CLSTN2: variants seen among roughly 807,000 people sequenced by gnomAD.
CLSTN2 encodes the protein calsyntenin 2, also known as calsyntenin-2.
In CLSTN2, 48 loss-of-function variants were observed where a neutral mutation model predicts 101.2. That is an observed-to-expected ratio of 0.47 (90% CI 0.38 to 0.60). The LOEUF (loss-of-function observed/expected upper bound fraction) is 0.60. CLSTN2 is among the 20% of genes least tolerant of loss of function. The probability of loss-of-function intolerance (pLI) is 0.00; values close to 1 mark genes in which losing one functional copy is unlikely to be tolerated. For synonymous variants in CLSTN2, 481 were observed against 463.6 expected, an observed-to-expected ratio of 1.04 and a Z score of -0.48; for missense variants, 1,160 against 1,238.2, an observed-to-expected ratio of 0.94 and a Z score of 0.95.
rs973718340 is a variant in CLSTN2 at position 140,573,178 on chromosome 3, C to G, written c.*6925C>G. 3 of 152,268 alleles carry G rather than the reference C, an allele frequency of 2.0e-5. No individual in the cohort carries two copies. Among genetic ancestry groups the G allele is most frequent in the Non-Finnish European group, 2.9e-5 (2 of 68,118 alleles). The allele number at this position is 152,268 out of a possible 1,614,324, so 9.4% of individuals were successfully genotyped here. A position where few individuals can be genotyped will look rare whatever the true frequency, so the allele number is the denominator to read the frequency against. On this transcript the variant is annotated 3_prime_UTR_variant, in exon 17 of 17. Coordinates refer to ENST00000458420, the MANE Select transcript of CLSTN2 (RefSeq NM_022131.3). ...CTAGGAGAGCTGCTTTCTACACAGC[C>G]TGTATGCTGGTGGAGACACCCAGGG...
At chr3:140,533,710 C>CAAAAAAAAA (rs71627883) in intron 9 of CLSTN2, among the ~76,000 whole-genome samples, 1 of 58,886 alleles carries the variant, frequency 1.7e-5, no homozygotes, top group African/African-American at 5.9e-5. Flanking sequence ...GACTCCATCT[C>CAAAAAAAAA]AAAAAAAAAA....
Position 140,566,050 on chromosome 3 carries a change from C to T in CLSTN2, c.2668-3C>T. 6.2e-7 allele frequency: 1 copy of T among 1,613,970 alleles called. No individual in the cohort carries two copies. The highest frequency in any genetic ancestry group is 1.1e-5 in the South Asian group (1 of 91,058). Reference sequence around the variant, plus strand: ...GCATTTGCTTTTTCTCCTTGATATCCAGAAACATGAAGGACCAGGGCATGG... The same window carrying T: ...GCATTTGCTTTTTCTCCTTGATATCTAGAAACATGAAGGACCAGGGCATGG... On this transcript the variant is annotated splice_polypyrimidine_tract_variant and splice_region_variant and intron_variant, in intron 16 of 16. Transcript: ENST00000458420.
intron 8 of CLSTN2, among the ~76,000 whole-genome samples, chr3:140,521,505 C>T (rs938729189): frequency 1.3e-5 from 2 of 152,170 alleles, no homozygotes; most frequent in African/African-American, 4.8e-5. Flanking sequence ...CTGGAAGCTC[C>T]ATCCTGCAGT....
At chr3:140,378,057 A>G (rs1413670440) in intron 2 of CLSTN2, among the ~76,000 whole-genome samples, 3 of 152,352 alleles carry the variant, frequency 2.0e-5, no homozygotes, top group Admixed American at 6.5e-5. Flanking sequence ...ACAGTATTCA[A>G]TACAGTAATT....
intron 1 of CLSTN2, among the ~76,000 whole-genome samples, chr3:140,033,636 A>G (rs2007599882): frequency 6.6e-6 from 1 of 152,208 alleles, no homozygotes; most frequent in African/African-American, 2.4e-5. Context: ...TAGTTTAGTG[A>G]CCTATTCAAT....
At chr3:140,475,385 C>G (rs1933960143) in intron 8 of CLSTN2, among the ~76,000 whole-genome samples, 5 of 152,234 alleles carry the variant, frequency 3.3e-5, no homozygotes, top group Admixed American at 2.6e-4. Flanking sequence ...CACAAACACA[C>G]TGATGGTTTC....
At chr3:140,111,022 T>G (rs2009146745) in intron 1 of CLSTN2, among the ~76,000 whole-genome samples, 1 of 152,192 alleles carries the variant, frequency 6.6e-6, no homozygotes, top group Non-Finnish European at 1.5e-5. Flanking sequence ...CCCATTCTCC[T>G]ATTGTTCTCA....
chr3:139,959,647 T>C (rs1462495691), intron 1 of CLSTN2, among the ~76,000 whole-genome samples: 31 of 152,038 alleles, frequency 2.0e-4, no homozygotes, highest in Admixed American at 2.0e-3. Context: ...CCTTAAATTT[T>C]CCCCACTCTC....
intron 5 of CLSTN2, among the ~76,000 whole-genome samples, chr3:140,429,750 C>A (rs540892189): frequency 1.2e-4 from 18 of 152,192 alleles, no homozygotes; most frequent in African/African-American, 4.3e-4. Context: ...GAGCACTCCC[C>A]CAAAAGTACT....
intron 1 of CLSTN2, among the ~76,000 whole-genome samples, chr3:139,984,932 C>A (rs1019192723): frequency 2.6e-5 from 4 of 152,178 alleles, no homozygotes; most frequent in African/African-American, 9.7e-5. Context: ...TGTATCTATA[C>A]CACAGCTGCT....
intron 1 of CLSTN2, among the ~76,000 whole-genome samples, chr3:140,008,558 C>T (rs757613328): frequency 4.6e-5 from 7 of 152,226 alleles, no homozygotes; most frequent in African/African-American, 1.2e-4. Context: ...GGGGGTCCTC[C>T]GGGGCCCAGT....
intron 2 of CLSTN2, among the ~76,000 whole-genome samples, chr3:140,180,579 C>T (rs1370688022): frequency 6.6e-6 from 1 of 152,148 alleles, no homozygotes; most frequent in African/African-American, 2.4e-5. Context: ...TAATTTCTAC[C>T]TGTGCCCCAC....
chr3:140,564,045 G>A lies in CLSTN2; in HGVS notation c.2567G>A (p.Arg856Gln), dbSNP rs140778211. 91 of 1,614,072 alleles carry A rather than the reference G, an allele frequency of 5.6e-5. No individual in the cohort carries two copies. Among genetic ancestry groups the A allele is most frequent in the East Asian group, 4.9e-4 (22 of 44,868 alleles). Residue 856 changes from arginine (R) to glutamine (Q), a missense_variant, in exon 16 of 17, where the codon CGG becomes CAG. By Grantham distance (43) the Arg-to-Gln change is conservative. Coordinates refer to ENST00000458420, the MANE Select transcript of CLSTN2 (RefSeq NM_022131.3). ...FVVAMGVYRV[R>Q]IAHQHFIQET... ...GTGGCCATGGGTGTGTACCGGGTCC[G>A]GATCGCCCACCAGCACTTCATCCAG...
intron 1 of CLSTN2, among the ~76,000 whole-genome samples, chr3:140,024,669 G>T (rs571792947): frequency 6.6e-6 from 1 of 152,268 alleles, no homozygotes; most frequent in Non-Finnish European, 1.5e-5. Flanking sequence ...TTAGTGTTGA[G>T]TCTCACGGTG....
rs925813010 is a variant in CLSTN2, at chr3:140,566,116, G to A, written c.2731G>A (p.Glu911Lys). The change falls in exon 17 of 17, where the codon GAA (glutamate) becomes AAA (lysine). Residue 911 changes from glutamate to lysine, a missense_variant. Transcript: ENST00000458420. ...GGGAGAAGAGGAGGAAGAAGCCGAG[G>A]AAGAAATGAGCTCCAGCAGTGGCTC... Reference protein sequence around the residue: ...TEGEEEEEAEEEMSSSSGSDD... With the variant: ...TEGEEEEEAEKEMSSSSGSDD... The A allele has an allele frequency of 3.7e-6, 6 of 1,612,314 alleles. No individual in the cohort carries two copies. In the South Asian group the frequency reaches 5.5e-5, roughly 15 times the overall value.
intron 2 of CLSTN2, among the ~76,000 whole-genome samples, chr3:140,199,030 A>G (rs748478959): frequency 6.6e-6 from 1 of 152,174 alleles, no homozygotes; most frequent in Non-Finnish European, 1.5e-5. Flanking sequence ...GTGTGGGGAA[A>G]TTATTTTCTC....
intron 2 of CLSTN2, among the ~76,000 whole-genome samples, chr3:140,182,432 C>A (rs954761740): frequency 3.3e-5 from 5 of 152,166 alleles, no homozygotes; most frequent in African/African-American, 1.2e-4. Context: ...CTATCCAGCG[C>A]CTTCAGGATC....
At position 140,564,050 on chromosome 3, in the gene CLSTN2, G is replaced by A. The variant is rs751701596; in HGVS notation, c.2572G>A (p.Ala858Thr). ...CATGGGTGTGTACCGGGTCCGGATC[G>A]CCCACCAGCACTTCATCCAGGAGAC... ...VAMGVYRVRI[A>T]HQHFIQETEA... The change falls in exon 16 of 17, where the codon GCC becomes ACC. Residue 858 changes from alanine to threonine, a missense_variant. Physicochemically the swap from Ala to Thr is moderately conservative, Grantham distance 58. Coordinates refer to ENST00000458420, the MANE Select transcript of CLSTN2 (RefSeq NM_022131.3). 2.5e-5 allele frequency: 40 copies of A among 1,613,886 alleles called. No individual in the cohort carries two copies. Among genetic ancestry groups the A allele is most frequent in the East Asian group, 1.3e-4 (6 of 44,874 alleles).
chr3:140,400,457 T>G (rs561176932), intron 2 of CLSTN2, among the ~76,000 whole-genome samples: 146 of 152,218 alleles, frequency 9.6e-4, no homozygotes, highest in South Asian at 1.5e-3. Context: ...TCCCAGCACT[T>G]TGGGAGGCCG....
Sources: gnomAD v4.1 joint callset for allele counts (sites outside exome capture counted in the v4.1 genomes callset) on GRCh38, gnomAD v4.1.1 for gene constraint, MANE v1.5 for transcripts, NCBI Gene and HGNC (gene_info 2026-07-23, HGNC 2026-07-21) for gene names.